Variants in NALCN observed in about 807,000 individuals in gnomAD.
NALCN encodes sodium leak channel NALCN.
A neutral mutation model predicts 225.3 loss-of-function variants in NALCN; 111 were observed. The ratio of observed to expected loss-of-function variants is 0.49; its 90% CI spans 0.42 to 0.58. The LOEUF is 0.58. Among genes scored for constraint, NALCN ranks in the 20% least tolerant of loss-of-function variants. The pLI is 0.00. For synonymous variants in NALCN, 764 were observed against 769.0 expected (o/e 0.99, Z 0.11); for missense variants, 1,378 against 2,202.4 (o/e 0.63, Z 7.49).
Position 101,207,886 on chromosome 13 carries a change from A to G in NALCN, c.1627-15832T>C, listed in dbSNP as rs371678428. On this transcript the variant is annotated intron_variant, in intron 13 of 43. Coordinates refer to ENST00000251127, the MANE Select transcript of NALCN (RefSeq NM_052867.4). ...GCTGCTGCTCACTCTTTGGGTCCGCACTGTCTTTATGAGCTGCAACACTCA... is the reference window on the plus strand; with the variant it reads ...GCTGCTGCTCACTCTTTGGGTCCGCGCTGTCTTTATGAGCTGCAACACTCA... Among the ~76,000 whole-genome samples, 28 of 152,302 alleles carry G rather than the reference A, an allele frequency of 1.8e-4. No individual in the cohort carries two copies. In the South Asian group the frequency reaches 4.3e-3, roughly 24 times the overall value.
intron 6 of NALCN, among the ~76,000 whole-genome samples, chr13:101,350,226 A>C (rs1282210345): frequency 3.9e-5 from 6 of 152,166 alleles, no homozygotes; most frequent in African/African-American, 1.4e-4. Context: ...ATACTGAAGG[A>C]TCTGGCTCCT....
At chr13:101,187,568 A>G (rs1021543609) in intron 14 of NALCN, among the ~76,000 whole-genome samples, 2 of 152,202 alleles carry the variant, frequency 1.3e-5, no homozygotes, top group African/African-American at 2.4e-5. Flanking sequence ...TGTTTTTAGG[A>G]AAATAGGTAA....
Position 101,379,178 on chromosome 13 carries a change from C to T in NALCN, c.292-525G>A, listed in dbSNP as rs181564671. On this transcript the variant is annotated intron_variant, in intron 3 of 43. Coordinates refer to ENST00000251127, the MANE Select transcript of NALCN (RefSeq NM_052867.4). ...AAAACCACAATGAGATACCATCTCA[C>T]GCCAGTTTAATGGTGATCATTAAAA... 4.3e-3 allele frequency among the ~76,000 whole-genome samples: 661 copies of T among 152,252 alleles called. 6 individuals carry two copies. The highest frequency in any genetic ancestry group is 6.8e-3 in the Non-Finnish European group (465 of 68,010).
intron 13 of NALCN, among the ~76,000 whole-genome samples, chr13:101,200,500 G>T (rs1272198917): frequency 6.6e-6 from 1 of 152,138 alleles, no homozygotes; most frequent in East Asian, 1.9e-4. Context: ...GATTAAGAGC[G>T]TCGGATAAAA....
At chr13:101,350,666 G>T (rs554663051) in intron 6 of NALCN, among the ~76,000 whole-genome samples, 2 of 152,140 alleles carry the variant, frequency 1.3e-5, no homozygotes, top group African/African-American at 4.8e-5. Context: ...GTGCCTGGCT[G>T]TTTGGTTGAA....
chr13:101,353,294 C>T (rs1034211181), intron 6 of NALCN, among the ~76,000 whole-genome samples: 1 of 152,040 alleles, frequency 6.6e-6, no homozygotes, highest in South Asian at 2.1e-4. Context: ...AAAAGCTGAC[C>T]CCTAGATTGA....
intron 1 of NALCN, among the ~76,000 whole-genome samples, chr13:101,408,174 C>T (rs1250634546): frequency 2.0e-5 from 3 of 152,178 alleles, no homozygotes; most frequent in Non-Finnish European, 4.4e-5. Flanking sequence ...GTAAATAGAA[C>T]AGTCTTCTTT....
At chr13:101,090,736 G>T (rs2034188461) in intron 28 of NALCN, among the ~76,000 whole-genome samples, 1 of 152,038 alleles carries the variant, frequency 6.6e-6, no homozygotes, top group Admixed American at 6.6e-5. Flanking sequence ...TTATAGATTT[G>T]GGGGGTACAC....
chr13:101,345,252 C>T lies in NALCN; in HGVS notation c.799+14G>A. ...AAATAGAAACTTAAAACGTATTTTACCAGTAAGACAGACCTATCTCATTAA... is the reference window on the plus strand; with the variant it reads ...AAATAGAAACTTAAAACGTATTTTATCAGTAAGACAGACCTATCTCATTAA... On this transcript the variant is annotated intron_variant, in intron 7 of 43. Coordinates refer to ENST00000251127, the MANE Select transcript of NALCN (RefSeq NM_052867.4). The T allele has an allele frequency of 1.9e-6, 3 of 1,605,214 alleles. No individual in the cohort carries two copies. The highest frequency in any genetic ancestry group is 2.6e-6 in the Non-Finnish European group (3 of 1,175,294).
chr13:101,230,317 G>A (rs2041295447), intron 12 of NALCN, among the ~76,000 whole-genome samples: 1 of 152,166 alleles, frequency 6.6e-6, no homozygotes, highest in Non-Finnish European at 1.5e-5. Context: ...ACAAGGAAAT[G>A]GAAAGAGAAG....
At chr13:101,229,831 G>A (rs190843825) in intron 12 of NALCN, among the ~76,000 whole-genome samples, 109 of 152,190 alleles carry the variant, frequency 7.2e-4, no homozygotes, top group African/African-American at 1.5e-3. Flanking sequence ...TCACTAGTAC[G>A]TATTGTTGAA....
chr13:101,238,001 A>G (rs1000530095), intron 11 of NALCN, 79 bp from the exon 12 acceptor site: 1 of 1,406,920 alleles, frequency 7.1e-7, no homozygotes, highest in East Asian at 2.4e-5. Flanking sequence ...TTGTCAGTGT[A>G]TGAATTTTTG....
chr13:101,382,590 T>C (rs2046881341), intron 3 of NALCN, among the ~76,000 whole-genome samples: 1 of 152,160 alleles, frequency 6.6e-6, no homozygotes, highest in African/African-American at 2.4e-5. Flanking sequence ...AAATTAATGT[T>C]GTAAAACTGG....
intron 39 of NALCN, 74 bp from the exon 40 acceptor site, chr13:101,065,635 AAAAAG>A: frequency 6.5e-7 from 1 of 1,543,226 alleles, no homozygotes; most frequent in Non-Finnish European, 8.7e-7. Context: ...AAAGAAAAAA[AAAAAG>A]GTGCTATTTC....
chr13:101,281,404 A>T (rs949895884), intron 10 of NALCN, among the ~76,000 whole-genome samples: 1 of 152,192 alleles, frequency 6.6e-6, no homozygotes. Context: ...GTACTCAGTA[A>T]ATATCAGTTG....
At chr13:101,273,401 T>C (rs574213931) in intron 10 of NALCN, among the ~76,000 whole-genome samples, 23 of 152,212 alleles carry the variant, frequency 1.5e-4, no homozygotes, top group Non-Finnish European at 2.4e-4. Context: ...TTCACCTTTC[T>C]AAGACTCACA....
At chr13:101,226,229 C>T (rs151126575) in intron 13 of NALCN, among the ~76,000 whole-genome samples, 111 of 152,234 alleles carry the variant, frequency 7.3e-4, no homozygotes, top group African/African-American at 1.5e-3. Context: ...ACCAGAAACA[C>T]GCCAACCCTG....
intron 17 of NALCN, among the ~76,000 whole-genome samples, chr13:101,141,114 C>T (rs1212363808): frequency 6.6e-6 from 1 of 151,938 alleles, no homozygotes; most frequent in Non-Finnish European, 1.5e-5. Context: ...AAGCACAGAA[C>T]AAAAATAGAG....
intron 11 of NALCN, among the ~76,000 whole-genome samples, chr13:101,245,020 CT>C (rs2041853039): frequency 1.7e-5 from 1 of 57,282 alleles, no homozygotes; most frequent in Admixed American, 2.7e-4. Context: ...CCAAAGTCAC[CT>C]GTGCAGGTGT....
Sources: gnomAD v4.1 joint callset for allele counts (sites outside exome capture counted in the v4.1 genomes callset) on GRCh38, gnomAD v4.1.1 for gene constraint, MANE v1.5 for transcripts, NCBI Gene and HGNC (gene_info 2026-07-23, HGNC 2026-07-21) for gene names.